LRP6: variants seen among roughly 807,000 people sequenced by gnomAD.
The protein encoded by LRP6 is LDL receptor related protein 6.
Under a neutral mutation model 184.1 loss-of-function variants are expected in LRP6, and 43 were observed. The observed-to-expected ratio is 0.23, with a 90% CI of 0.18 to 0.30. The LOEUF (loss-of-function observed/expected upper bound fraction) is 0.30. Among genes scored for constraint, LRP6 ranks in the 10% least tolerant of loss-of-function variants. The pLI is 1.00. For synonymous variants in LRP6, 719 were observed against 684.9 expected, an observed-to-expected ratio of 1.05 and a Z score of -0.78; for missense variants, 1,571 against 2,005.3, an observed-to-expected ratio of 0.78 and a Z score of 4.14.
chr12:12,243,059 A>T (rs1386895971), intron 2 of LRP6, among the ~76,000 whole-genome samples: 5 of 152,268 alleles, frequency 3.3e-5, no homozygotes. Context: ...AAAATAGTAC[A>T]GGTTATTTAT....
chr12:12,187,186 C>T (rs1863496441), intron 3 of LRP6, 67 bp from the exon 4 acceptor site: 1 of 1,322,060 alleles, frequency 7.6e-7, no homozygotes, highest in Non-Finnish European at 1.1e-6. Context: ...AACGTCACCT[C>T]TCCCATTAAA....
At chr12:12,261,396 C>A (rs1264695481) in intron 1 of LRP6, among the ~76,000 whole-genome samples, 1 of 147,024 alleles carries the variant, frequency 6.8e-6, no homozygotes, top group Non-Finnish European at 1.5e-5. Flanking sequence ...GAGCAAGACT[C>A]CGTCTCAAAA....
intron 2 of LRP6, among the ~76,000 whole-genome samples, chr12:12,203,877 G>A (rs185627031): frequency 1.3e-5 from 2 of 152,144 alleles, no homozygotes; most frequent in Admixed American, 1.3e-4. Flanking sequence ...CAACTGCCCT[G>A]GTAATACCTG....
In LRP6 at chr12:12,131,834, C is replaced by A. The variant is rs181004028; in HGVS notation, c.3957G>T (p.Glu1319Asp). Residue 1319 changes from glutamate to aspartate, a missense_variant, in exon 18 of 23, where the codon GAG (glutamate) becomes GAT (aspartate). This residue lies in a region of LRP6 where 763 missense variants were observed against 859.5 expected (regional missense o/e 0.89). Transcript: ENST00000261349. ...GDANCQDKSD[E>D]KNCEVLCLID... ...AATTCTGGATACCTTCACAGTTCTTCTCATCTGATTTGTCCTGGCAGTTTG... is the reference window on the plus strand; with the variant it reads ...AATTCTGGATACCTTCACAGTTCTTATCATCTGATTTGTCCTGGCAGTTTG... 1 of 1,614,028 alleles carries A rather than the reference C, an allele frequency of 6.2e-7. No individual in the cohort carries two copies. Among genetic ancestry groups the A allele is most frequent in the Non-Finnish European group, 8.5e-7 (1 of 1,179,892 alleles).
Position 12,145,663 on chromosome 12 carries a change from G to A in LRP6, c.3397+1703C>T, listed in dbSNP as rs141206025. ...TTTTTTTTGAGACAGTCTCGTTCTC[G>A]TTCCATAACCCAGGCTGGAGTGCAG... On this transcript the variant is annotated intron_variant, in intron 15 of 22. Transcript: ENST00000261349. Among the ~76,000 whole-genome samples the A allele has an allele frequency of 3.6e-3, 446 of 122,528 alleles. 3 individuals are homozygous for A. The highest frequency in any genetic ancestry group is 0.013 in the African/African-American group (407 of 31,982). 80.4% of individuals were successfully genotyped at this position (122,528 alleles called of 152,430 possible).
chr12:12,138,928 C>G (rs1212900591), intron 15 of LRP6: 1 of 1,368,640 alleles, frequency 7.3e-7, no homozygotes, highest in East Asian at 4.5e-5. Flanking sequence ...TCACTCTCAC[C>G]CCACCTGGCT....
chr12:12,225,131 G>A (rs1819871), intron 2 of LRP6, among the ~76,000 whole-genome samples: 1 of 151,980 alleles, frequency 6.6e-6, no homozygotes, highest in Non-Finnish European at 1.5e-5. Flanking sequence ...CTTGAACCCA[G>A]TGGGTGGAGG....
Position 12,158,821 on chromosome 12 carries a change from C to A in LRP6, c.2791+8G>T. 1 of 1,613,546 alleles carries A rather than the reference C, an allele frequency of 6.2e-7. No individual in the cohort carries two copies. Among genetic ancestry groups the A allele is most frequent in the South Asian group, 1.1e-5 (1 of 91,070 alleles). On this transcript the variant is annotated splice_region_variant and intron_variant, in intron 12 of 22. Coordinates refer to ENST00000261349, the MANE Select transcript of LRP6 (RefSeq NM_002336.3). ...TTCTAGCTTGCTTTGGAGGGAAATGCAGCTTACCACTACAAGTCCTGTTGT... is the reference window on the plus strand; with the variant it reads ...TTCTAGCTTGCTTTGGAGGGAAATGAAGCTTACCACTACAAGTCCTGTTGT...
chr12:12,183,971 T>A lies in LRP6; in HGVS notation c.976+9A>T. 1 of 1,612,432 alleles carries A rather than the reference T, an allele frequency of 6.2e-7. No individual in the cohort carries two copies. Among genetic ancestry groups the A allele is most frequent in the Non-Finnish European group, 8.5e-7 (1 of 1,178,650 alleles). On this transcript the variant is annotated intron_variant, in intron 5 of 22. Coordinates refer to ENST00000261349, the MANE Select transcript of LRP6 (RefSeq NM_002336.3). Reference sequence around the variant, plus strand: ...ATAAAATTTTTCATTTTGGATAATATCTTCTTACCATCTTTGCAGGTTTTT... The same window carrying A: ...ATAAAATTTTTCATTTTGGATAATAACTTCTTACCATCTTTGCAGGTTTTT...
chr12:12,190,345 T>C (rs775570013), intron 3 of LRP6, among the ~76,000 whole-genome samples: 7 of 152,084 alleles, frequency 4.6e-5, no homozygotes, highest in Non-Finnish European at 1.0e-4. Context: ...AGTTCCTCAA[T>C]AGTAGGTCAC....
chr12:12,239,412 A>G (rs1194657396), intron 2 of LRP6, among the ~76,000 whole-genome samples: 1 of 152,242 alleles, frequency 6.6e-6, no homozygotes, highest in Non-Finnish European at 1.5e-5. Context: ...GTGGTAGGAC[A>G]ATGGAAACAG....
At chr12:12,169,102 G>T (rs1260080509) in intron 7 of LRP6, among the ~76,000 whole-genome samples, 1 of 152,032 alleles carries the variant, frequency 6.6e-6, no homozygotes, top group East Asian at 1.9e-4. Flanking sequence ...GGTGGCTAAC[G>T]CCTGTAATCC....
intron 2 of LRP6, among the ~76,000 whole-genome samples, chr12:12,227,510 C>T (rs1438884169): frequency 1.3e-5 from 2 of 151,566 alleles, no homozygotes; most frequent in Admixed American, 6.6e-5. Flanking sequence ...CAGGTTCAAG[C>T]GATTTTCCTG....
At chr12:12,256,189 G>A (rs1246041940) in intron 1 of LRP6, among the ~76,000 whole-genome samples, 1 of 152,138 alleles carries the variant, frequency 6.6e-6, no homozygotes, top group East Asian at 1.9e-4. Flanking sequence ...GCAACAGGAC[G>A]ATTGACAGGG....
chr12:12,266,317 T>C (rs1865758796), intron 1 of LRP6, among the ~76,000 whole-genome samples: 1 of 151,996 alleles, frequency 6.6e-6, no homozygotes, highest in Non-Finnish European at 1.5e-5. Flanking sequence ...ACTCAAACAT[T>C]TTAAAAGCCA....
intron 1 of LRP6, among the ~76,000 whole-genome samples, chr12:12,262,216 T>C (rs1865632529): frequency 6.6e-6 from 1 of 152,064 alleles, no homozygotes; most frequent in Admixed American, 6.6e-5. Context: ...CCGTCTCTAC[T>C]AAAAATATAA....
intron 2 of LRP6, among the ~76,000 whole-genome samples, chr12:12,226,960 C>T (rs1864641560): frequency 6.6e-6 from 1 of 151,872 alleles, no homozygotes; most frequent in African/African-American, 2.4e-5. Context: ...CGGGAAAAGG[C>T]AAAACAAAAC....
Position 12,151,028 on chromosome 12 carries a change from A to G in LRP6, c.2802T>C (p.Thr934=). ...CACTCTTTTGACTGAAGAGCAGGAA[A>G]GTCGTAGGAGCTTAAAAGGAAGAAA... ...ADNRTCSAPT[T]FLLFSQKSAI... is the part of the protein sequence containing the mutation. Residue 934 remains threonine (T), a synonymous_variant, in exon 13 of 23, where the codon ACT becomes ACC. Transcript: ENST00000261349. The G allele has an allele frequency of 6.2e-7, 1 of 1,614,002 alleles. No homozygotes were observed. The highest frequency in any genetic ancestry group is 8.5e-7 in the Non-Finnish European group (1 of 1,179,902).
In LRP6 at chr12:12,124,628, C is replaced by T. The variant is rs149558764; in HGVS notation, c.4484G>A (p.Arg1495Gln). Residue 1495 changes from arginine (R) to glutamine (Q), a missense_variant, in exon 22 of 23, where the codon CGA (arginine) becomes CAA (glutamine). Arg to Gln is a conservative substitution (Grantham distance 43). Coordinates refer to ENST00000261349, the MANE Select transcript of LRP6 (RefSeq NM_002336.3). Reference sequence around the variant, plus strand: ...TCCAAATTCCATAGTGTAATGTGATCGCTCTGTGGCTGGGGATGGTGGAGG... The same window carrying T: ...TCCAAATTCCATAGTGTAATGTGATTGCTCTGTGGCTGGGGATGGTGGAGG... ...LNPPPSPATERSHYTMEFGYS... is the reference protein window; with the variant it reads ...LNPPPSPATEQSHYTMEFGYS... The T allele has an allele frequency of 1.6e-4, 259 of 1,613,176 alleles. No homozygotes were observed. Among genetic ancestry groups the T allele is most frequent in the Non-Finnish European group, 2.1e-4 (242 of 1,179,570 alleles).
Sources: allele counts gnomAD v4.1 joint callset (sites outside exome capture counted in the v4.1 genomes callset), GRCh38; gene constraint gnomAD v4.1.1; regional missense constraint gnomAD v4.1.1; transcripts MANE v1.5; gene names NCBI Gene and HGNC (gene_info 2026-07-23, HGNC 2026-07-21).